DSCAML1: variants seen among roughly 807,000 people sequenced by gnomAD.
DSCAML1 encodes DS cell adhesion molecule like 1, also known as cell adhesion molecule DSCAML1.
A neutral mutation model predicts 200.5 loss-of-function variants in DSCAML1; 38 were observed. That is an observed-to-expected ratio of 0.19 (90% CI 0.15 to 0.25). The LOEUF (loss-of-function observed/expected upper bound fraction) is 0.25, where lower values mean the gene tolerates loss of function less well. Among genes scored for constraint, DSCAML1 ranks in the 10% least tolerant of loss-of-function variants. The probability of loss-of-function intolerance (pLI) is 1.00; values close to 1 mark genes in which losing one functional copy is unlikely to be tolerated. For synonymous variants in DSCAML1, 1,215 were observed against 1,165.0 expected, an observed-to-expected ratio of 1.04 and a Z score of -0.87; for missense variants, 2,223 against 2,858.8, an observed-to-expected ratio of 0.78 and a Z score of 5.07.
At chr11:117,687,268 T>A (rs191827690) in intron 3 of DSCAML1, among the ~76,000 whole-genome samples, 4 of 152,184 alleles carry the variant, frequency 2.6e-5, no homozygotes, top group East Asian at 1.9e-4. Flanking sequence ...TTTTATTTTT[T>A]AATTTTTTTA....
chr11:117,471,800 ATCGCTGTAGG>A (rs2048691646), intron 15 of DSCAML1, 59 bp downstream of exon 15: 1 of 1,526,596 alleles, frequency 6.6e-7, no homozygotes, highest in African/African-American at 1.4e-5. Context: ...AGTGAACAGG[ATCGCTGTAGG>A]CCCCTGGTGG....
chr11:117,700,391 C>T (rs151209809), intron 3 of DSCAML1, among the ~76,000 whole-genome samples: 105 of 152,302 alleles, frequency 6.9e-4, no homozygotes, highest in African/African-American at 2.5e-3. Context: ...ATCCTATCCT[C>T]CTTCATGCCA....
chr11:117,703,627 G>A (rs2053704701), intron 3 of DSCAML1, among the ~76,000 whole-genome samples: 1 of 152,168 alleles, frequency 6.6e-6, no homozygotes, highest in African/African-American at 2.4e-5. Flanking sequence ...CCCAGCACCT[G>A]GCAATCAAGG....
intron 3 of DSCAML1, among the ~76,000 whole-genome samples, chr11:117,614,566 A>T (rs766764058): frequency 6.6e-6 from 1 of 151,862 alleles, no homozygotes; most frequent in Non-Finnish European, 1.5e-5. Context: ...CCTGTTGTTG[A>T]TTCTTTAAAA....
chr11:117,696,709 T>G (rs73596610), intron 3 of DSCAML1, among the ~76,000 whole-genome samples: 2,329 of 151,200 alleles, frequency 0.015, 75 homozygotes, highest in African/African-American at 0.054. Flanking sequence ...CAGTGGAGAG[T>G]TTCCCAAGCG....
chr11:117,663,769 TA>T (rs1408053323), intron 3 of DSCAML1, among the ~76,000 whole-genome samples: 15 of 151,800 alleles, frequency 9.9e-5, no homozygotes, highest in Non-Finnish European at 1.6e-4. Flanking sequence ...TCGGACTGAG[TA>T]CAGGGGGGCT....
chr11:117,648,798 C>T (rs959684259), intron 3 of DSCAML1, among the ~76,000 whole-genome samples: 21 of 152,240 alleles, frequency 1.4e-4, no homozygotes, highest in African/African-American at 4.6e-4. Flanking sequence ...GAATCCAAGG[C>T]GGCGCCTTCT....
At chr11:117,556,731 T>A (rs1220265290) in intron 3 of DSCAML1, among the ~76,000 whole-genome samples, 1 of 152,204 alleles carries the variant, frequency 6.6e-6, no homozygotes, top group Non-Finnish European at 1.5e-5. Flanking sequence ...GGTGTAACCA[T>A]GTCCTTGGCC....
chr11:117,565,452 C>A (rs1471498662), intron 3 of DSCAML1, among the ~76,000 whole-genome samples: 1 of 152,178 alleles, frequency 6.6e-6, no homozygotes, highest in Non-Finnish European at 1.5e-5. Context: ...GTACCTATGC[C>A]CCTTAGCATT....
intron 19 of DSCAML1, among the ~76,000 whole-genome samples, chr11:117,456,423 G>C (rs185847514): frequency 1.3e-5 from 2 of 152,292 alleles, no homozygotes; most frequent in East Asian, 3.9e-4. Context: ...AAAGGATAAA[G>C]TATACGGAGA....
At chr11:117,789,619 T>C (rs1048605209) in intron 1 of DSCAML1, among the ~76,000 whole-genome samples, 2 of 152,234 alleles carry the variant, frequency 1.3e-5, no homozygotes, top group East Asian at 3.9e-4. Context: ...ACCGAAACGA[T>C]GTCATTCGAG....
intron 3 of DSCAML1, among the ~76,000 whole-genome samples, chr11:117,714,420 T>C (rs1046036406): frequency 4.6e-5 from 7 of 152,118 alleles, no homozygotes; most frequent in Admixed American, 1.3e-4. Context: ...AGAAATGATT[T>C]AAAGCAGCAA....
chr11:117,788,081 ACTGT>A (rs2055393688), intron 1 of DSCAML1, among the ~76,000 whole-genome samples: 1 of 152,116 alleles, frequency 6.6e-6, no homozygotes. Context: ...CATCTTGGAA[ACTGT>A]CTGAGCCCAG....
At chr11:117,702,555 C>T (rs907902639) in intron 3 of DSCAML1, among the ~76,000 whole-genome samples, 2 of 152,100 alleles carry the variant, frequency 1.3e-5, no homozygotes, top group Non-Finnish European at 2.9e-5. Flanking sequence ...TCCCATTCCA[C>T]ACTGTCACTG....
Position 117,780,664 on chromosome 11 carries a change from C to T in DSCAML1, c.193G>A (p.Asp65Asn), listed in dbSNP as rs770650408. 1.3e-6 allele frequency: 2 copies of T among 1,591,864 alleles called. No individual in the cohort carries two copies. The highest frequency in any genetic ancestry group is 1.7e-6 in the Non-Finnish European group (2 of 1,167,686). Residue 65 changes from aspartate (D) to asparagine (N), a missense_variant, in exon 2 of 33, where the codon GAC becomes AAC. Coordinates refer to ENST00000651296, the MANE Select transcript of DSCAML1 (RefSeq NM_020693.4). This position sits in a 1 kb window ranked among gnomAD's most constrained non-coding sequence, Gnocchi z 4.8. The stretch of plus-strand genomic sequence containing the variant: ...ATGTGCGGCACGTCGTAGATGTCGT[C>T]CCCTGTGGCCAGGTACCATCGAAGG... The part of the protein sequence containing the change: ...AALRWYLATG[D>N]DIYDVPHIRH...
chr11:117,476,767 T>C (rs1459360514), intron 14 of DSCAML1, among the ~76,000 whole-genome samples: 3 of 152,226 alleles, frequency 2.0e-5, no homozygotes, highest in African/African-American at 7.2e-5. Flanking sequence ...ATGAGTGGGA[T>C]GGCTTAGAAA....
chr11:117,782,403 C>CCCA (rs2055280807), intron 1 of DSCAML1, among the ~76,000 whole-genome samples: 1 of 152,182 alleles, frequency 6.6e-6, no homozygotes, highest in Admixed American at 6.5e-5. Flanking sequence ...ATTTGCTGTC[C>CCCA]CCACCAGGCA....
intron 4 of DSCAML1, among the ~76,000 whole-genome samples, chr11:117,525,376 A>AGGGAAGAAGGCGGAAGAG: frequency 6.6e-6 from 1 of 152,118 alleles, no homozygotes; most frequent in Non-Finnish European, 1.5e-5. Flanking sequence ...AGATGGAAGA[A>AGGGAAGAAGGCGGAAGAG]GGGAAGAAGG....
intron 4 of DSCAML1, 38 bp downstream of exon 4, chr11:117,532,338 C>T: frequency 6.3e-7 from 1 of 1,595,022 alleles, no homozygotes; most frequent in African/African-American, 1.3e-5. Flanking sequence ...GTCCTCCCTT[C>T]CCAGCCTGCC....
Sources: allele counts gnomAD v4.1 joint callset (sites outside exome capture counted in the v4.1 genomes callset), GRCh38; gene constraint gnomAD v4.1.1; non-coding constraint Gnocchi (gnomAD v3.1); transcripts MANE v1.5; gene names NCBI Gene and HGNC (gene_info 2026-07-23, HGNC 2026-07-21).